Variants in LRRC4C observed in about 807,000 individuals in gnomAD.
LRRC4C encodes the protein leucine rich repeat containing 4C.
Under a neutral mutation model 33.6 loss-of-function variants are expected in LRRC4C, and 5 were observed. The observed-to-expected ratio is 0.15, with a 90% confidence interval of 0.08 to 0.31. The LOEUF (loss-of-function observed/expected upper bound fraction) is 0.31, where lower values mean the gene tolerates loss of function less well. Ranked by LOEUF, LRRC4C falls within the 10% of genes least tolerant of loss-of-function variation. The pLI is 1.00. For synonymous variants in LRRC4C, 329 were observed against 302.0 expected (o/e 1.09, Z -0.93); for missense variants, 560 against 796.7 (o/e 0.70, Z 3.58).
intron 1 of LRRC4C, among the ~76,000 whole-genome samples, chr11:41,144,471 C>A (rs538777710): frequency 1.3e-5 from 2 of 152,240 alleles, no homozygotes; most frequent in South Asian, 2.1e-4. Flanking sequence ...ATGTACACAG[C>A]CAAATATCTA....
At chr11:41,434,680 G>A (rs1353653011) in intron 1 of LRRC4C, among the ~76,000 whole-genome samples, 1 of 152,148 alleles carries the variant, frequency 6.6e-6, no homozygotes, top group East Asian at 1.9e-4. Flanking sequence ...AGACTAGCAA[G>A]AAGTGCACCT....
intron 1 of LRRC4C, among the ~76,000 whole-genome samples, chr11:40,983,834 C>A (rs1852718753): frequency 6.6e-6 from 1 of 152,124 alleles, no homozygotes; most frequent in African/African-American, 2.4e-5. Context: ...ATTAAAAAGT[C>A]CAACTGAAAT....
chr11:41,212,955 A>G lies in LRRC4C; in HGVS notation c.-496+246476T>C, dbSNP rs906162201. ...TTTAAAAAGTTGTTACACTGAATTCAATCTTTGTTCTGCTAAGAAGTAGGT... is the reference window on the plus strand; with the variant it reads ...TTTAAAAAGTTGTTACACTGAATTCGATCTTTGTTCTGCTAAGAAGTAGGT... On this transcript the variant is annotated intron_variant, in intron 1 of 6. Transcript: ENST00000528697. 2.6e-5 allele frequency among the ~76,000 whole-genome samples: 4 copies of G among 152,298 alleles called. 1 individual carries two copies. The highest frequency in any genetic ancestry group is 6.8e-3 in the Middle Eastern group (2 of 294).
At chr11:41,417,526 G>A (rs1954729007) in intron 1 of LRRC4C, among the ~76,000 whole-genome samples, 2 of 151,978 alleles carry the variant, frequency 1.3e-5, no homozygotes. Context: ...GGAAGAGTTT[G>A]GCATAGGTCT....
At chr11:41,422,429 A>T (rs1371276396) in intron 1 of LRRC4C, among the ~76,000 whole-genome samples, 2 of 152,010 alleles carry the variant, frequency 1.3e-5, no homozygotes, top group Non-Finnish European at 2.9e-5. Flanking sequence ...TTCAAAAGAG[A>T]TGGATTTGAG....
At chr11:40,735,371 C>G (rs1192294663) in intron 2 of LRRC4C, among the ~76,000 whole-genome samples, 2 of 145,002 alleles carry the variant, frequency 1.4e-5, no homozygotes, top group African/African-American at 5.0e-5. Flanking sequence ...TCCATGTGTT[C>G]TCATTGTTCA....
intron 2 of LRRC4C, among the ~76,000 whole-genome samples, chr11:40,808,809 A>G (rs1014910079): frequency 1.3e-5 from 2 of 152,182 alleles, no homozygotes; most frequent in Non-Finnish European, 2.9e-5. Flanking sequence ...CTCTGACTAA[A>G]CAGAGGATTG....
rs528433974 is a variant in LRRC4C at position 40,968,810 on chromosome 11, A to G, written c.-495-35087T>C. Among the ~76,000 whole-genome samples the G allele has an allele frequency of 2.6e-5, 4 of 152,252 alleles. No individual in the cohort carries two copies. In the East Asian group the frequency reaches 5.8e-4, roughly 22 times the overall value. On this transcript the variant is annotated intron_variant, in intron 1 of 6. Coordinates refer to ENST00000528697, the MANE Select transcript of LRRC4C (RefSeq NM_001258419.2). ...ATTACTTTTCATTGACAGTGCACCTATTCACCCAAAATCTCTGATGGAGAT... is the reference window on the plus strand; with the variant it reads ...ATTACTTTTCATTGACAGTGCACCTGTTCACCCAAAATCTCTGATGGAGAT...
chr11:41,156,356 T>C (rs779496280), intron 1 of LRRC4C, among the ~76,000 whole-genome samples: 68 of 152,212 alleles, frequency 4.5e-4, no homozygotes, highest in Non-Finnish European at 6.0e-4. Context: ...ATCTTACTTA[T>C]AGAAAGCAAA....
chr11:41,309,487 A>T (rs980977546), intron 1 of LRRC4C, among the ~76,000 whole-genome samples: 1 of 152,230 alleles, frequency 6.6e-6, no homozygotes, highest in African/African-American at 2.4e-5. Flanking sequence ...AACAGGGGTT[A>T]TACCCAGAAT....
chr11:41,386,138 A>G (rs1953350825), intron 1 of LRRC4C, among the ~76,000 whole-genome samples: 2 of 151,604 alleles, frequency 1.3e-5, no homozygotes, highest in Admixed American at 1.3e-4. Context: ...TGTTTATTCC[A>G]TTTGATACTT....
At chr11:40,560,579 A>T (rs1418440931) in intron 3 of LRRC4C, among the ~76,000 whole-genome samples, 2 of 152,138 alleles carry the variant, frequency 1.3e-5, no homozygotes, top group Non-Finnish European at 2.9e-5. Context: ...AAACTTACTG[A>T]TAACTACTTC....
At chr11:41,009,951 A>C (rs1010060856) in intron 1 of LRRC4C, among the ~76,000 whole-genome samples, 12 of 152,166 alleles carry the variant, frequency 7.9e-5, no homozygotes, top group African/African-American at 2.9e-4. Context: ...TGGTGTCTAA[A>C]TAAAAAGGGG....
At chr11:40,274,248 A>G (rs1368041479) in intron 4 of LRRC4C, among the ~76,000 whole-genome samples, 1 of 152,010 alleles carries the variant, frequency 6.6e-6, no homozygotes, top group African/African-American at 2.4e-5. Context: ...GAGATTCCGG[A>G]GGGGAGGGAA....
chr11:40,138,600 C>A (rs557910394), intron 6 of LRRC4C, among the ~76,000 whole-genome samples: 2 of 152,346 alleles, frequency 1.3e-5, no homozygotes, highest in South Asian at 2.1e-4. Context: ...GGGGCCTGAA[C>A]TTGAACTGCC....
intron 1 of LRRC4C, among the ~76,000 whole-genome samples, chr11:40,994,840 C>T (rs1468837624): frequency 6.6e-6 from 1 of 151,230 alleles, no homozygotes; most frequent in Non-Finnish European, 1.5e-5. Context: ...CTTCATCAAC[C>T]TTTTCCCCCA....
chr11:40,646,650 A>C (rs1942478900), intron 3 of LRRC4C, among the ~76,000 whole-genome samples: 1 of 152,180 alleles, frequency 6.6e-6, no homozygotes, highest in Non-Finnish European at 1.5e-5. Context: ...TCTGCCGCCC[A>C]GGCCGGACTG....
intron 1 of LRRC4C, among the ~76,000 whole-genome samples, chr11:41,198,094 T>C (rs1946256659): frequency 6.6e-6 from 1 of 151,956 alleles, no homozygotes; most frequent in African/African-American, 2.4e-5. Context: ...TTAAAGTATA[T>C]TATTTACTTA....
chr11:41,348,420 G>T (rs1438772655), intron 1 of LRRC4C, among the ~76,000 whole-genome samples: 1 of 152,086 alleles, frequency 6.6e-6, no homozygotes, highest in Non-Finnish European at 1.5e-5. Flanking sequence ...AAATAGAGTT[G>T]TGCTGTCTAC....
Sources: allele counts gnomAD v4.1 joint callset (sites outside exome capture counted in the v4.1 genomes callset), GRCh38; gene constraint gnomAD v4.1.1; transcripts MANE v1.5; gene names NCBI Gene and HGNC (gene_info 2026-07-23, HGNC 2026-07-21).